Variants in CELF2 observed in about 807,000 individuals in gnomAD.
CELF2 encodes the protein CUGBP Elav-like family member 2.
In CELF2, 8 loss-of-function variants were observed where a neutral mutation model predicts 62.6. The observed-to-expected ratio is 0.13, with a 90% CI of 0.07 to 0.23. The LOEUF is 0.23. Ranked by LOEUF, CELF2 falls within the 10% of genes least tolerant of loss-of-function variation. The pLI, the probability that CELF2 is intolerant of heterozygous loss-of-function variation, is 1.00. For synonymous variants in CELF2, 258 were observed against 250.0 expected, an observed-to-expected ratio of 1.03 and a Z score of -0.30; for missense variants, 333 against 671.0, an observed-to-expected ratio of 0.50 and a Z score of 5.56.
chr10:10,492,510 G>A, the CELF2 span, among the ~76,000 whole-genome samples: 5 of 151,908 alleles, frequency 3.3e-5, no homozygotes, highest in South Asian at 2.1e-4. Context: ...AAAGTATGGC[G>A]GTTCTTCCAA....
chr10:10,978,024 G>GTTT (rs1310804718), intron 2 of CELF2, among the ~76,000 whole-genome samples: 1 of 141,890 alleles, frequency 7.0e-6, no homozygotes. Context: ...TTGGGTTTGG[G>GTTT]TTTTTTTTTG....
chr10:10,468,372 T>G, the CELF2 span, among the ~76,000 whole-genome samples: 1 of 152,014 alleles, frequency 6.6e-6, no homozygotes, highest in African/African-American at 2.4e-5. Context: ...TGGTAGCCGT[T>G]GCTTTGGTTG....
chr10:11,176,485 T>C (rs1228677079), intron 2 of CELF2, among the ~76,000 whole-genome samples: 4 of 152,188 alleles, frequency 2.6e-5, no homozygotes, highest in African/African-American at 4.8e-5. Flanking sequence ...AGGAGACATG[T>C]ATGTATGTGT....
At chr10:11,009,943 G>A (rs931190241) in intron 1 of CELF2, among the ~76,000 whole-genome samples, 3 of 152,232 alleles carry the variant, frequency 2.0e-5, no homozygotes, top group African/African-American at 4.8e-5. Context: ...GAAGCTTACA[G>A]GCAGCATCAC....
rs986683797 is a variant in CELF2 at position 11,198,615 on chromosome 10, A to C, written c.272-18810A>C. On this transcript the variant is annotated intron_variant, in intron 2 of 12. Transcript: ENST00000633077. Reference sequence around the variant, plus strand: ...AGTCAGAACATAGCCATAGTTACAGAATGTGGGTTTTAAAAAGCAATCTAG... The same window carrying C: ...AGTCAGAACATAGCCATAGTTACAGCATGTGGGTTTTAAAAAGCAATCTAG... Among the ~76,000 whole-genome samples the C allele has an allele frequency of 3.3e-5, 5 of 152,296 alleles. 1 individual carries two copies. The highest frequency in any genetic ancestry group is 1.2e-4 in the African/African-American group (5 of 41,548).
At chr10:10,851,452 G>T (rs901435429) in intron 1 of CELF2, among the ~76,000 whole-genome samples, 11 of 152,258 alleles carry the variant, frequency 7.2e-5, no homozygotes, top group Middle Eastern at 3.4e-3. Flanking sequence ...CAGCAAGGTT[G>T]CCGACCTCAA....
upstream of CELF2, chr10:10,798,350 GA>G (rs2054288464): frequency 6.2e-6 from 1 of 161,618 alleles, no homozygotes; most frequent in Non-Finnish European, 1.3e-5. Context: ...CCAAGGAGGG[GA>G]AGGCTGCAGC....
intron 1 of CELF2, among the ~76,000 whole-genome samples, chr10:10,863,432 G>A (rs2060162968): frequency 6.6e-6 from 1 of 152,096 alleles, no homozygotes; most frequent in South Asian, 2.1e-4. Flanking sequence ...TCAAGTTTCT[G>A]GGTTCAAAAC....
chr10:10,579,944 T>A, the CELF2 span, among the ~76,000 whole-genome samples: 2 of 151,282 alleles, frequency 1.3e-5, no homozygotes, highest in African/African-American at 4.9e-5. Context: ...GGGAAAAAAA[T>A]GAGATTTGAC....
At chr10:11,068,750 T>C (rs1008231565) in intron 1 of CELF2, among the ~76,000 whole-genome samples, 1 of 152,038 alleles carries the variant, frequency 6.6e-6, no homozygotes, top group South Asian at 2.1e-4. Flanking sequence ...TTAGTAGAGA[T>C]GGGGTTTCAC....
Position 11,211,685 on chromosome 10 carries a change from C to A in CELF2, c.272-5740C>A, listed in dbSNP as rs1306972771. Reference sequence around the variant, plus strand: ...CCAGATGGTTTCTTTGAGGATAAATCTACTTGATCATTTAAAATTAAAGTC... The same window carrying A: ...CCAGATGGTTTCTTTGAGGATAAATATACTTGATCATTTAAAATTAAAGTC... On this transcript the variant is annotated intron_variant, in intron 2 of 12. Transcript: ENST00000633077. The surrounding 1 kb of genome is among the most constrained non-coding windows in gnomAD (Gnocchi z 4.8). Among the ~76,000 whole-genome samples the A allele has an allele frequency of 6.6e-6, 1 of 151,942 alleles. No individual in the cohort carries two copies. The highest frequency in any genetic ancestry group is 1.5e-5 in the Non-Finnish European group (1 of 68,008).
chr10:10,943,160 T>C (rs1321587797), intron 2 of CELF2, among the ~76,000 whole-genome samples: 2 of 152,148 alleles, frequency 1.3e-5, no homozygotes, highest in Non-Finnish European at 2.9e-5. Context: ...GGGGACAGAT[T>C]TGGGGTTTAT....
At chr10:10,856,813 T>C (rs2059740519) in intron 1 of CELF2, among the ~76,000 whole-genome samples, 1 of 152,314 alleles carries the variant, frequency 6.6e-6, no homozygotes, top group East Asian at 1.9e-4. Flanking sequence ...CTGTAGTATC[T>C]TCCGTCTTCA....
intron 1 of CELF2, among the ~76,000 whole-genome samples, chr10:10,799,691 A>G (rs1237380460): frequency 6.7e-6 from 1 of 149,918 alleles, no homozygotes; most frequent in Non-Finnish European, 1.5e-5. Flanking sequence ...AAAAAAGTGC[A>G]CTCTGACCTC....
At chr10:10,486,328 C>T in the CELF2 span, among the ~76,000 whole-genome samples, 1 of 152,198 alleles carries the variant, frequency 6.6e-6, no homozygotes, top group Non-Finnish European at 1.5e-5. Flanking sequence ...GGCTTAGAAA[C>T]TGGCCCCATA....
chr10:10,513,391 G>A, the CELF2 span, among the ~76,000 whole-genome samples: 2 of 152,156 alleles, frequency 1.3e-5, no homozygotes, highest in Non-Finnish European at 2.9e-5. Flanking sequence ...AGGATCAGAA[G>A]ATTTCCTTCT....
In CELF2 at chr10:11,270,682, T is replaced by C; in HGVS notation, c.635T>C (p.Ile212Thr). 1 of 1,511,174 alleles carries C rather than the reference T, an allele frequency of 6.6e-7. No homozygotes were observed. Among genetic ancestry groups the C allele is most frequent in the Non-Finnish European group, 8.9e-7 (1 of 1,124,302 alleles). The allele number at this position is 1,511,174 out of a possible 1,614,324, so 93.6% of individuals were successfully genotyped here. The change falls in exon 7 of 13, where the codon ATC (isoleucine) becomes ACC (threonine). Residue 212 changes from isoleucine (I) to threonine (T), a missense_variant. Around this residue, in one of 3 missense-constraint regions of CELF2, gnomAD observed 253 missense variants for 503.0 expected, o/e 0.50. Transcript: ENST00000633077. This position sits in a 1 kb window ranked among gnomAD's most constrained non-coding sequence, Gnocchi z 5.8. ...TGACCACAGGGCTGCTCTTCACCTA[T>C]CGTGGTGAAGTTTGCTGACACTCAG... ...SQTMEGCSSP[I>T]VVKFADTQKD... is the part of the protein sequence containing the mutation.
the CELF2 span, among the ~76,000 whole-genome samples, chr10:10,554,112 A>G: frequency 1.3e-5 from 2 of 152,242 alleles, no homozygotes; most frequent in East Asian, 3.9e-4. Flanking sequence ...TGATGTAGGA[A>G]TGAGCATGTG....
At chr10:10,821,289 C>T (rs1030611530) in intron 1 of CELF2, among the ~76,000 whole-genome samples, 1 of 152,152 alleles carries the variant, frequency 6.6e-6, no homozygotes, top group African/African-American at 2.4e-5. Flanking sequence ...TCTTTCTAGA[C>T]CTCACTTGTG....
Sources: gnomAD v4.1 joint callset for allele counts (sites outside exome capture counted in the v4.1 genomes callset) on GRCh38, gnomAD v4.1.1 for gene constraint, gnomAD v4.1.1 regional missense constraint, Gnocchi (gnomAD v3.1) non-coding constraint, MANE v1.5 for transcripts, NCBI Gene and HGNC (gene_info 2026-07-23, HGNC 2026-07-21) for gene names.